The following FREM1 variants were observed in gnomAD, a reference collection of about 807,000 sequenced individuals.
FREM1 encodes the protein FRAS1-related extracellular matrix protein 1.
A neutral mutation model predicts 210.1 loss-of-function variants in FREM1; 220 were observed. The observed-to-expected ratio is 1.05, with a 90% confidence interval of 0.94 to 1.17. FREM1 has a LOEUF of 1.17. FREM1 is among the 50% of genes most tolerant of loss of function. FREM1 has a pLI of 0.00. For missense variants in FREM1, 3,454 were observed against 2,675.5 expected, an observed-to-expected ratio of 1.29 and a Z score of -6.42; for synonymous variants, 1,189 against 980.2, an observed-to-expected ratio of 1.21 and a Z score of -3.98.
intron 29 of FREM1, among the ~76,000 whole-genome samples, chr9:14,753,451 C>T (rs1025633165): frequency 1.1e-4 from 17 of 152,196 alleles, no homozygotes; most frequent in Non-Finnish European, 2.4e-4. Context: ...TTTATATCCA[C>T]TCAAGACTAG....
intron 20 of FREM1, among the ~76,000 whole-genome samples, chr9:14,798,886 C>T (rs1203217340): frequency 6.6e-6 from 1 of 152,020 alleles, no homozygotes; most frequent in Non-Finnish European, 1.5e-5. Context: ...GTTGGCCAGG[C>T]TGGTCTCGAA....
chr9:14,838,784 G>A (rs1468435931), intron 10 of FREM1, among the ~76,000 whole-genome samples: 1 of 152,134 alleles, frequency 6.6e-6, no homozygotes, highest in Non-Finnish European at 1.5e-5. Context: ...GATCAGAGCT[G>A]ATCCAATAAA....
chr9:14,895,376 T>C (rs1031964987), intron 1 of FREM1, among the ~76,000 whole-genome samples: 2 of 152,076 alleles, frequency 1.3e-5, no homozygotes, highest in African/African-American at 4.8e-5. Flanking sequence ...GTCTCATCAG[T>C]TGTTTTTTGA....
At chr9:14,737,632 T>C (rs1587591640) in intron 36 of FREM1, 37 bp from the exon 37 acceptor site, 2 of 1,424,296 alleles carry the variant, frequency 1.4e-6, no homozygotes, top group East Asian at 2.5e-5. Context: ...ATTACTTTTA[T>C]TGCGTTTATA....
chr9:14,747,332 T>C lies in FREM1; in HGVS notation c.5941A>G (p.Ile1981Val). 4.3e-6 allele frequency: 7 copies of C among 1,613,782 alleles called. No individual in the cohort carries two copies. In the East Asian group the frequency reaches 1.6e-4, roughly 36 times the overall value. The part of the protein sequence containing the change: ...VSIISQPQKT[I>V]KVAELPQADK... ...GCTTGAGGCAGTTCTGCCACTTTGA[T>C]TGTCTTTTGTGGCTGACTAATGATG... Residue 1981 changes from isoleucine to valine, a missense_variant, in exon 33 of 37, where the codon ATC becomes GTC. Coordinates refer to ENST00000380880, the MANE Select transcript of FREM1 (RefSeq NM_001379081.2).
chr9:14,765,163 T>G (rs1846166122), intron 27 of FREM1, among the ~76,000 whole-genome samples: 1 of 152,230 alleles, frequency 6.6e-6, no homozygotes, highest in South Asian at 2.1e-4. Context: ...AAAAATATTT[T>G]TTCAAGTATC....
chr9:14,804,227 C>T (rs1336774944), intron 19 of FREM1, among the ~76,000 whole-genome samples: 1 of 152,144 alleles, frequency 6.6e-6, no homozygotes, highest in African/African-American at 2.4e-5. Context: ...GTCTGCTTGC[C>T]CGTAACACAC....
chr9:14,824,990 C>A lies in FREM1; in HGVS notation c.1884G>T (p.Val628=). 6.4e-7 allele frequency: 1 copy of A among 1,570,164 alleles called. No individual in the cohort carries two copies. Among genetic ancestry groups the A allele is most frequent in the Middle Eastern group, 1.7e-4 (1 of 5,906 alleles). The change falls in exon 11 of 37, where the codon GTG becomes GTT. Residue 628 remains valine (V), a splice_region_variant and synonymous_variant. Transcript: ENST00000380880. ...HEPPNLSVPQ[V]ATIHITPVDD... is the part of the protein sequence containing the mutation. ...CCACTGGAGTTATATGGATTGTTGC[C>A]ACCTGGAATAAAAATGTCTGTACCA...
intron 10 of FREM1, among the ~76,000 whole-genome samples, chr9:14,832,655 G>A (rs146434920): frequency 3.3e-5 from 5 of 152,234 alleles, no homozygotes; most frequent in African/African-American, 1.2e-4. Flanking sequence ...AATGCTTGAT[G>A]TAGAGTTGAG....
Position 14,789,072 on chromosome 9 carries a change from T to G in FREM1, c.4024A>C (p.Thr1342Pro), listed in dbSNP as rs776819122. Residue 1342 changes from threonine (T) to proline (P), a missense_variant, in exon 23 of 37, where the codon ACT (threonine) becomes CCT (proline). Transcript: ENST00000380880. Reference sequence around the variant, plus strand: ...AAGTTCAGATCCACTTCCTCCTGAGTGCATTTCATGCCAGGGGAGAGAGGA... The same window carrying G: ...AAGTTCAGATCCACTTCCTCCTGAGGGCATTTCATGCCAGGGGAGAGAGGA... ...WVPLSPGMKC[T>P]QEEVDLNLLR... is the part of the protein sequence containing the mutation. 4.6e-5 allele frequency: 74 copies of G among 1,605,164 alleles called. No homozygotes were observed. Among genetic ancestry groups the G allele is most frequent in the Non-Finnish European group, 5.8e-5 (68 of 1,175,652 alleles).
At chr9:14,741,427 G>C (rs758383804) in intron 35 of FREM1, among the ~76,000 whole-genome samples, 23 of 152,124 alleles carry the variant, frequency 1.5e-4, no homozygotes, top group Non-Finnish European at 2.8e-4. Context: ...GATATATAAG[G>C]CTCTTTGCCC....
intron 1 of FREM1, among the ~76,000 whole-genome samples, chr9:14,891,377 G>T (rs1279924619): frequency 6.6e-6 from 1 of 152,204 alleles, no homozygotes; most frequent in Non-Finnish European, 1.5e-5. Context: ...AAAAATTCTT[G>T]CCCTTAGAGA....
At chr9:14,796,964 G>A (rs755345855) in intron 21 of FREM1, among the ~76,000 whole-genome samples, 6 of 152,146 alleles carry the variant, frequency 3.9e-5, no homozygotes, top group Admixed American at 1.3e-4. Context: ...TGATGATTTC[G>A]ATGTGAGGCG....
chr9:14,843,750 A>T (rs1444716553), intron 8 of FREM1, among the ~76,000 whole-genome samples: 1 of 145,224 alleles, frequency 6.9e-6, no homozygotes, highest in Admixed American at 6.8e-5. Context: ...TACCATCTGG[A>T]AAGTTTTAGA....
At chr9:14,839,250 T>G (rs12339211) in intron 10 of FREM1, among the ~76,000 whole-genome samples, 3,239 of 152,258 alleles carry the variant, frequency 0.021, 124 homozygotes, top group African/African-American at 0.074. Context: ...GCTGACTGAT[T>G]GGTTGTGCTG....
intron 19 of FREM1, among the ~76,000 whole-genome samples, chr9:14,802,730 A>G (rs1329483892): frequency 6.6e-6 from 1 of 152,338 alleles, no homozygotes; most frequent in African/African-American, 2.4e-5. Flanking sequence ...AAGAGTATAT[A>G]AATTCTACAC....
chr9:14,843,391 C>G (rs1826023302), intron 8 of FREM1, among the ~76,000 whole-genome samples: 1 of 152,180 alleles, frequency 6.6e-6, no homozygotes, highest in Admixed American at 6.5e-5. Flanking sequence ...GACTAATACC[C>G]ATGACTTCCT....
intron 1 of FREM1, among the ~76,000 whole-genome samples, chr9:14,884,672 T>G (rs535951604): frequency 6.6e-6 from 1 of 152,144 alleles, no homozygotes; most frequent in Non-Finnish European, 1.5e-5. Flanking sequence ...GATATAAACA[T>G]GATACTCCTG....
At chr9:14,874,034 A>C (rs1833224036) in intron 1 of FREM1, among the ~76,000 whole-genome samples, 1 of 152,164 alleles carries the variant, frequency 6.6e-6, no homozygotes, top group Admixed American at 6.5e-5. Flanking sequence ...TCTGAGGGAC[A>C]GTTTGTTATC....
Sources: gnomAD v4.1 joint callset for allele counts (sites outside exome capture counted in the v4.1 genomes callset) on GRCh38, gnomAD v4.1.1 for gene constraint, MANE v1.5 for transcripts, NCBI Gene and HGNC (gene_info 2026-07-23, HGNC 2026-07-21) for gene names.